Variants in MBP observed in about 807,000 individuals in gnomAD.
The protein encoded by MBP is Golli-MBP.
A neutral mutation model predicts 35.8 loss-of-function variants in MBP; 16 were observed. The ratio of observed to expected loss-of-function variants is 0.45; its 90% CI spans 0.30 to 0.68. The LOEUF (loss-of-function observed/expected upper bound fraction) is 0.68. MBP is among the 30% of genes least tolerant of loss of function. MBP has a pLI of 0.08. For synonymous variants in MBP, 143 were observed against 159.6 expected, an observed-to-expected ratio of 0.90 and a Z score of 0.78; for missense variants, 380 against 404.7, an observed-to-expected ratio of 0.94 and a Z score of 0.52.
chr18:77,048,781 T>C (rs1186609157), intron 3 of MBP, among the ~76,000 whole-genome samples: 1 of 152,144 alleles, frequency 6.6e-6, no homozygotes, highest in African/African-American at 2.4e-5. Context: ...GTAGGTTCTA[T>C]AATCTCTATT....
chr18:77,010,228 T>C, intron 4 of MBP: 1 of 424,342 alleles, frequency 2.4e-6, no homozygotes, highest in South Asian at 2.8e-5. Flanking sequence ...AAGTCTATTC[T>C]GAGGCCCTGT....
intron 2 of MBP, among the ~76,000 whole-genome samples, chr18:77,074,235 T>C (rs1231137891): frequency 2.6e-5 from 4 of 152,106 alleles, no homozygotes; most frequent in African/African-American, 9.7e-5. Flanking sequence ...GAAAGGGCCA[T>C]GAGACTTGTG....
intron 2 of MBP, among the ~76,000 whole-genome samples, chr18:77,076,310 GC>G (rs1387245778): frequency 2.0e-5 from 3 of 152,234 alleles, no homozygotes; most frequent in African/African-American, 7.2e-5. Context: ...TTCCACCGTG[GC>G]CTCTTGAGTC....
intron 4 of MBP, among the ~76,000 whole-genome samples, chr18:77,000,380 A>T (rs894358386): frequency 2.0e-5 from 3 of 152,238 alleles, no homozygotes; most frequent in African/African-American, 4.8e-5. Context: ...TGTTTTACTC[A>T]ACAGTGTTGG....
At chr18:77,073,485 G>A (rs1236579119) in intron 2 of MBP, among the ~76,000 whole-genome samples, 1 of 152,206 alleles carries the variant, frequency 6.6e-6, no homozygotes, top group Non-Finnish European at 1.5e-5. Flanking sequence ...CATGCGAATG[G>A]GCCCAGGTGG....
At chr18:77,057,214 G>A (rs907540065) in intron 3 of MBP, among the ~76,000 whole-genome samples, 1 of 152,194 alleles carries the variant, frequency 6.6e-6, no homozygotes, top group Non-Finnish European at 1.5e-5. Flanking sequence ...GAACTGCCCT[G>A]CCCCTCAAGG....
At chr18:77,072,826 C>T (rs991621726) in intron 2 of MBP, among the ~76,000 whole-genome samples, 29 of 152,298 alleles carry the variant, frequency 1.9e-4, no homozygotes, top group African/African-American at 7.0e-4. Context: ...CCCAGGAGGA[C>T]AGTGGTCCCC....
chr18:77,040,279 G>A (rs963129359), intron 3 of MBP, among the ~76,000 whole-genome samples: 1 of 152,168 alleles, frequency 6.6e-6, no homozygotes, highest in Non-Finnish European at 1.5e-5. Flanking sequence ...TGAAATAAAA[G>A]AGGATACAAA....
chr18:77,123,411 T>C (rs1430842920), intron 1 of MBP, among the ~76,000 whole-genome samples: 1 of 152,250 alleles, frequency 6.6e-6, no homozygotes, highest in Non-Finnish European at 1.5e-5. Flanking sequence ...CAAATTCAAT[T>C]TATCAGTGAA....
At chr18:77,058,561 C>T (rs1246409154) in intron 3 of MBP, among the ~76,000 whole-genome samples, 2 of 152,262 alleles carry the variant, frequency 1.3e-5, no homozygotes, top group Non-Finnish European at 2.9e-5. Flanking sequence ...ACCCCCGCCC[C>T]CGCGTGCAGA....
chr18:77,131,079 G>GCACA lies in MBP; in HGVS notation c.-26+1500_-26+1501insTGTG, dbSNP rs1201771464. Among the ~76,000 whole-genome samples, 5 of 39,082 alleles carry GCACA rather than the reference G, an allele frequency of 1.3e-4. No homozygotes were observed. The highest frequency in any genetic ancestry group is 3.0e-4 in the Non-Finnish European group (3 of 10,018). The allele number at this position is 39,082 out of a possible 152,430, so 25.6% of individuals were successfully genotyped here. A position where few individuals can be genotyped will look rare whatever the true frequency, so the allele number is the denominator to read the frequency against. On this transcript the variant is annotated intron_variant, in intron 1 of 8. Transcript: ENST00000355994. The surrounding 1 kb of genome is among the most constrained non-coding windows in gnomAD (Gnocchi z 5.5). ...AAACAAAACACACACACGCGCGCAC[G>GCACA]CACGCGCACACACACACACACACAC... is the stretch of plus-strand genomic sequence containing the variant.
chr18:77,033,490 A>G (rs1381269628), intron 3 of MBP, among the ~76,000 whole-genome samples: 2 of 152,092 alleles, frequency 1.3e-5, no homozygotes, highest in Non-Finnish European at 2.9e-5. Context: ...AAATGTTTCT[A>G]AAACTACTCT....
intron 2 of MBP, among the ~76,000 whole-genome samples, chr18:77,100,013 G>T (rs1351070520): frequency 1.3e-5 from 2 of 152,208 alleles, no homozygotes; most frequent in African/African-American, 4.8e-5. Flanking sequence ...TTGTGCAGCC[G>T]CTGCTGGGGT....
At chr18:77,038,548 A>T (rs1972863916) in intron 3 of MBP, among the ~76,000 whole-genome samples, 1 of 152,204 alleles carries the variant, frequency 6.6e-6, no homozygotes, top group Non-Finnish European at 1.5e-5. Flanking sequence ...CCTGGGAATG[A>T]CAGGAGCCCA....
chr18:76,980,352 G>A lies in MBP; in HGVS notation c.*75C>T. On this transcript the variant is annotated 3_prime_UTR_variant, in exon 9 of 9. Coordinates refer to ENST00000355994, the MANE Select transcript of MBP (RefSeq NM_001025101.2). ...GGTCATCTGCTCTAATTAGGTAACA[G>A]GGGCAAGTGGGATTAAAGTTTTAAG... 7.3e-7 allele frequency: 1 copy of A among 1,366,928 alleles called. No individual in the cohort carries two copies. Among genetic ancestry groups the A allele is most frequent in the Non-Finnish European group, 1.0e-6 (1 of 954,368 alleles). The allele number at this position is 1,366,928 out of a possible 1,614,324, so 84.7% of individuals were successfully genotyped here.
intron 3 of MBP, among the ~76,000 whole-genome samples, chr18:77,050,209 A>C (rs539600407): frequency 9.8e-5 from 15 of 152,332 alleles, no homozygotes; most frequent in African/African-American, 3.1e-4. Flanking sequence ...TGTTCTATGG[A>C]AACGTTTCCA....
rs1323137479 is a variant in MBP, at chr18:76,984,800, C to T, written c.845G>A (p.Gly282Asp). Residue 282 changes from glycine (G) to aspartate (D), a missense_variant, in exon 8 of 9, where the codon GGC becomes GAC. Physicochemically the swap from Gly to Asp is moderately conservative, Grantham distance 94. Transcript: ENST00000355994. ...HKGFKGVDAQ[G>D]TLSKIFKLGG... ...CAGCTTAAAAATTTTGGAAAGCGTG[C>T]CCTGGGCATCGACTCCCTTGAATCC... The T allele has an allele frequency of 1.9e-6, 3 of 1,614,062 alleles. No homozygotes were observed. Among genetic ancestry groups the T allele is most frequent in the South Asian group, 2.2e-5 (2 of 91,074 alleles).
chr18:77,077,733 C>T (rs955034323), intron 2 of MBP, among the ~76,000 whole-genome samples: 5 of 152,342 alleles, frequency 3.3e-5, no homozygotes, highest in Non-Finnish European at 7.3e-5. Flanking sequence ...AGGTGACTCT[C>T]AGCACAGTTA....
chr18:77,061,003 C>CT (rs1281366705), intron 3 of MBP, among the ~76,000 whole-genome samples: 4 of 152,228 alleles, frequency 2.6e-5, no homozygotes, highest in African/African-American at 7.2e-5. Context: ...CCTCCTGGGC[C>CT]TTTCTCAGAG....
Sources: allele counts gnomAD v4.1 joint callset (sites outside exome capture counted in the v4.1 genomes callset), GRCh38; gene constraint gnomAD v4.1.1; non-coding constraint Gnocchi (gnomAD v3.1); transcripts MANE v1.5; gene names NCBI Gene and HGNC (gene_info 2026-07-23, HGNC 2026-07-21).